The following MAGI1 variants were observed in gnomAD, a reference collection of about 807,000 sequenced individuals.
The protein encoded by MAGI1 is membrane-associated guanylate kinase, WW and PDZ domain-containing protein 1.
MAGI1 carries 58 observed loss-of-function variants against 139.9 expected under a neutral mutation model. The observed-to-expected ratio is 0.41, with a 90% CI of 0.34 to 0.52. MAGI1 has a LOEUF of 0.52. Ranked by LOEUF, MAGI1 falls within the 20% of genes least tolerant of loss-of-function variation. The probability of loss-of-function intolerance (pLI) is 0.12; values close to 1 mark genes in which losing one functional copy is unlikely to be tolerated. For missense variants in MAGI1, 1,874 were observed against 1,901.6 expected (o/e 0.99, Z 0.27); for synonymous variants, 812 against 737.9 (o/e 1.10, Z -1.63).
At chr3:65,895,952 A>G (rs1333348384) in intron 1 of MAGI1, among the ~76,000 whole-genome samples, 1 of 152,164 alleles carries the variant, frequency 6.6e-6, no homozygotes, top group East Asian at 1.9e-4. Context: ...CTTTGTTGGA[A>G]ACACTCACTC....
chr3:65,645,553 C>G (rs1270219618), intron 1 of MAGI1, among the ~76,000 whole-genome samples: 1 of 152,068 alleles, frequency 6.6e-6, no homozygotes, highest in Admixed American at 6.6e-5. Context: ...GAGAAGTTCT[C>G]TGAAATGTGG....
At chr3:65,360,001 T>A in intron 22 of MAGI1, 1 of 985,412 alleles carries the variant, frequency 1.0e-6, no homozygotes, top group Middle Eastern at 5.2e-4. Context: ...GTTGTCAAAA[T>A]ACTTCCCCTG....
At chr3:65,529,498 A>C (rs775662141) in intron 2 of MAGI1, among the ~76,000 whole-genome samples, 1 of 152,168 alleles carries the variant, frequency 6.6e-6, no homozygotes, top group Non-Finnish European at 1.5e-5. Flanking sequence ...CTTATAGTGA[A>C]ACGTTTTCAA....
chr3:65,616,706 G>C (rs917689154), intron 2 of MAGI1, among the ~76,000 whole-genome samples: 2 of 152,182 alleles, frequency 1.3e-5, no homozygotes, highest in South Asian at 4.1e-4. Context: ...CTCTTTATCT[G>C]ATCAGTCCTA....
chr3:65,794,971 T>C lies in MAGI1; in HGVS notation c.314-172883A>G, dbSNP rs137927604. On this transcript the variant is annotated intron_variant, in intron 1 of 22. Coordinates refer to ENST00000402939, the MANE Select transcript of MAGI1 (RefSeq NM_001033057.2). ...TGAAAAGATGTGTGCAACATCACTA[T>C]CCAACGACGCAAATGACTAATGCTA... 3.6e-3 allele frequency among the ~76,000 whole-genome samples: 551 copies of C among 152,056 alleles called. 2 individuals are homozygous for C. Among genetic ancestry groups the C allele is most frequent in the Non-Finnish European group, 5.4e-3 (366 of 68,006 alleles).
At chr3:65,893,542 T>A (rs932354916) in intron 1 of MAGI1, among the ~76,000 whole-genome samples, 4 of 152,090 alleles carry the variant, frequency 2.6e-5, no homozygotes, top group African/African-American at 4.8e-5. Context: ...AATCACTAAT[T>A]CTCATCAGAA....
At chr3:65,372,287 G>A (rs1553636437) in intron 18 of MAGI1, among the ~76,000 whole-genome samples, 1 of 152,168 alleles carries the variant, frequency 6.6e-6, no homozygotes, top group Non-Finnish European at 1.5e-5. Flanking sequence ...TAGAACTCTT[G>A]GGTGACCAGG....
chr3:65,712,289 G>A (rs1290909175), intron 1 of MAGI1, among the ~76,000 whole-genome samples: 3 of 151,772 alleles, frequency 2.0e-5, no homozygotes, highest in Non-Finnish European at 4.4e-5. Flanking sequence ...ATGCTCTGAG[G>A]AAACTGAGCC....
intron 1 of MAGI1, among the ~76,000 whole-genome samples, chr3:65,833,860 A>T (rs1213356229): frequency 2.6e-5 from 4 of 152,244 alleles, no homozygotes; most frequent in Non-Finnish European, 5.9e-5. Flanking sequence ...TAGATCTCTT[A>T]GTTTCATTTG....
chr3:65,784,736 GAA>G (rs57155277), intron 1 of MAGI1, among the ~76,000 whole-genome samples: 4,653 of 150,996 alleles, frequency 0.031, 91 homozygotes, highest in Middle Eastern at 0.045. Context: ...AAAAAGAAAA[GAA>G]AAAAAAAAAT....
intron 1 of MAGI1, among the ~76,000 whole-genome samples, chr3:65,913,245 C>G (rs2061748049): frequency 6.6e-6 from 1 of 152,102 alleles, no homozygotes; most frequent in Non-Finnish European, 1.5e-5. Context: ...GCCTGAGCAA[C>G]AGAGCAAGAC....
chr3:65,602,374 A>G (rs1178231283), intron 2 of MAGI1, among the ~76,000 whole-genome samples: 1 of 152,216 alleles, frequency 6.6e-6, no homozygotes, highest in Non-Finnish European at 1.5e-5. Flanking sequence ...GGCAATAAAA[A>G]GGAATGAAAT....
rs577451982 is a variant in MAGI1, at chr3:65,649,643, G to T, written c.314-27555C>A. 3.9e-5 allele frequency among the ~76,000 whole-genome samples: 6 copies of T among 152,130 alleles called. No individual in the cohort carries two copies. In the South Asian group the frequency reaches 1.0e-3, roughly 26 times the overall value. The stretch of plus-strand genomic sequence containing the variant: ...TATAAATAACTCTGAATATTCAATA[G>T]TAAAACAACAATAACAAATAACCCA... On this transcript the variant is annotated intron_variant, in intron 1 of 22. Transcript: ENST00000402939.
chr3:65,990,293 T>A (rs1259123547), intron 1 of MAGI1, among the ~76,000 whole-genome samples: 1 of 152,112 alleles, frequency 6.6e-6, no homozygotes, highest in Non-Finnish European at 1.5e-5. Flanking sequence ...ATTCCACCAC[T>A]GGCAAAAATG....
chr3:66,012,354 C>A (rs1300047205), intron 1 of MAGI1, among the ~76,000 whole-genome samples: 1 of 151,996 alleles, frequency 6.6e-6, no homozygotes, highest in Admixed American at 6.6e-5. Context: ...AGTAAACATT[C>A]ATTCCAAGTT....
At chr3:65,808,011 T>G (rs1324767717) in intron 1 of MAGI1, among the ~76,000 whole-genome samples, 1 of 75,786 alleles carries the variant, frequency 1.3e-5, no homozygotes, top group East Asian at 5.8e-4. Context: ...AGGTCAGGAC[T>G]TTTTTTTTTT....
At chr3:65,659,155 T>G (rs549811779) in intron 1 of MAGI1, among the ~76,000 whole-genome samples, 62 of 152,264 alleles carry the variant, frequency 4.1e-4, no homozygotes, top group African/African-American at 1.5e-3. Context: ...GTCCATGTTC[T>G]TAACCACTGT....
At chr3:65,841,715 C>T (rs2058813710) in intron 1 of MAGI1, among the ~76,000 whole-genome samples, 1 of 152,070 alleles carries the variant, frequency 6.6e-6, no homozygotes, top group Non-Finnish European at 1.5e-5. Context: ...CATGAGCCAC[C>T]GTGCTCGGCC....
chr3:65,419,040 A>T (rs1946441026), intron 12 of MAGI1, among the ~76,000 whole-genome samples: 1 of 152,172 alleles, frequency 6.6e-6, no homozygotes, highest in Non-Finnish European at 1.5e-5. Flanking sequence ...CCTCCTGCTC[A>T]GTCTGACCCT....
Sources: allele counts gnomAD v4.1 joint callset (sites outside exome capture counted in the v4.1 genomes callset), GRCh38; gene constraint gnomAD v4.1.1; transcripts MANE v1.5; gene names NCBI Gene and HGNC (gene_info 2026-07-23, HGNC 2026-07-21).